The following MSRA variants were observed in gnomAD, a reference collection of about 807,000 sequenced individuals.
MSRA encodes methionine sulfoxide reductase A, also known as mitochondrial peptide methionine sulfoxide reductase.
Under a neutral mutation model 31.3 loss-of-function variants are expected in MSRA, and 54 were observed. The ratio of observed to expected loss-of-function variants is 1.73; its 90% CI spans 1.39 to 2.17. The LOEUF (loss-of-function observed/expected upper bound fraction) is 2.17, where lower values mean the gene tolerates loss of function less well. MSRA is among the 30% of genes most tolerant of loss of function. The pLI, the probability that MSRA is intolerant of heterozygous loss-of-function variation, is 0.00. For missense variants in MSRA, 507 were observed against 300.9 expected, an observed-to-expected ratio of 1.69 and a Z score of -5.07; for synonymous variants, 169 against 116.5, an observed-to-expected ratio of 1.45 and a Z score of -2.90.
intron 5 of MSRA, among the ~76,000 whole-genome samples, chr8:10,323,287 T>A (rs1032343801): frequency 6.6e-6 from 1 of 151,920 alleles, no homozygotes; most frequent in Admixed American, 6.6e-5. Flanking sequence ...GCAGTATTTA[T>A]AACTACTACT....
chr8:10,325,875 C>T (rs567403591), intron 5 of MSRA, among the ~76,000 whole-genome samples: 1 of 152,292 alleles, frequency 6.6e-6, no homozygotes, highest in South Asian at 2.1e-4. Flanking sequence ...GAACAAGCTC[C>T]TGAAACCACA....
chr8:10,119,317 A>G (rs980424564), intron 1 of MSRA, among the ~76,000 whole-genome samples: 3 of 152,214 alleles, frequency 2.0e-5, no homozygotes, highest in African/African-American at 7.2e-5. Context: ...TTTGTTGAAT[A>G]AGATGATGGC....
chr8:10,129,984 G>A (rs561612461), intron 1 of MSRA, among the ~76,000 whole-genome samples: 14 of 152,236 alleles, frequency 9.2e-5, no homozygotes, highest in Non-Finnish European at 1.6e-4. Flanking sequence ...GTTTGTATGT[G>A]CACCTATCCC....
intron 3 of MSRA, among the ~76,000 whole-genome samples, chr8:10,276,711 G>A (rs1799340498): frequency 6.6e-6 from 1 of 152,160 alleles, no homozygotes; most frequent in African/African-American, 2.4e-5. Flanking sequence ...TAATGTTTCA[G>A]GAGCAACTGA....
At position 10,242,098 on chromosome 8, in the gene MSRA, C is replaced by A. The variant is rs141884757; in HGVS notation, c.212-3006C>A. On this transcript the variant is annotated intron_variant, in intron 2 of 5. Coordinates refer to ENST00000317173, the MANE Select transcript of MSRA (RefSeq NM_012331.5). ...ACCAGCCTGGCCAACATGGCGAAAC[C>A]CCATCTCTACTAAAAACACAGAATT... is the stretch of plus-strand genomic sequence containing the variant. Among the ~76,000 whole-genome samples, 1,335 of 152,148 alleles carry A rather than the reference C, an allele frequency of 8.8e-3. 25 individuals are homozygous for A. Among genetic ancestry groups the A allele is most frequent in the African/African-American group, 0.031 (1,269 of 41,504 alleles).
intron 5 of MSRA, among the ~76,000 whole-genome samples, chr8:10,427,129 A>C (rs1301744163): frequency 6.6e-6 from 1 of 152,198 alleles, no homozygotes; most frequent in Non-Finnish European, 1.5e-5. Context: ...ACCAGTGGAC[A>C]GTCAGAGTGT....
chr8:10,404,453 G>T (rs373303786), intron 5 of MSRA, among the ~76,000 whole-genome samples: 4 of 152,176 alleles, frequency 2.6e-5, no homozygotes, highest in Non-Finnish European at 5.9e-5. Context: ...GATCCATCAC[G>T]CCCGCCCACG....
intron 5 of MSRA, among the ~76,000 whole-genome samples, chr8:10,417,419 G>GACACACACACACACACACAC (rs1184991397): frequency 1.9e-4 from 28 of 145,482 alleles, no homozygotes; most frequent in African/African-American, 3.1e-4. Flanking sequence ...TTCGTCAGAA[G>GACACACACACACACACACAC]ACACACACAC....
intron 1 of MSRA, among the ~76,000 whole-genome samples, chr8:10,086,272 AG>A (rs1426693616): frequency 6.6e-6 from 1 of 152,216 alleles, no homozygotes; most frequent in Non-Finnish European, 1.5e-5. Flanking sequence ...TTGGGTTTTC[AG>A]GTTGAGCAGT....
At chr8:10,286,754 C>G (rs1051680151) in intron 3 of MSRA, among the ~76,000 whole-genome samples, 3 of 152,224 alleles carry the variant, frequency 2.0e-5, no homozygotes, top group African/African-American at 7.2e-5. Flanking sequence ...TCATTGGCTT[C>G]AAGCCAAGAT....
At chr8:10,108,307 T>G (rs1392337479) in intron 1 of MSRA, among the ~76,000 whole-genome samples, 1 of 152,208 alleles carries the variant, frequency 6.6e-6, no homozygotes, top group African/African-American at 2.4e-5. Context: ...GGCTGTTGAT[T>G]CATTCACATT....
intron 1 of MSRA, among the ~76,000 whole-genome samples, chr8:10,111,434 C>G (rs1800271771): frequency 6.6e-6 from 1 of 152,142 alleles, no homozygotes; most frequent in South Asian, 2.1e-4. Flanking sequence ...ATGCTAGGTT[C>G]TTGAGGCAGA....
At chr8:10,265,069 C>G (rs1398100761) in intron 3 of MSRA, among the ~76,000 whole-genome samples, 4 of 152,164 alleles carry the variant, frequency 2.6e-5, no homozygotes, top group African/African-American at 9.7e-5. Context: ...ATTGAGAGCT[C>G]TTGTTCACAT....
chr8:10,342,987 G>C (rs1406951057), intron 5 of MSRA, among the ~76,000 whole-genome samples: 1 of 150,982 alleles, frequency 6.6e-6, no homozygotes, highest in Non-Finnish European at 1.5e-5. Flanking sequence ...ATGAGATAAC[G>C]TGTGGAAAGG....
At chr8:10,305,963 T>G (rs1415212877) in intron 4 of MSRA, among the ~76,000 whole-genome samples, 1 of 152,246 alleles carries the variant, frequency 6.6e-6, no homozygotes, top group Non-Finnish European at 1.5e-5. Context: ...CCTCTACTTT[T>G]GCTGAAACAT....
At chr8:10,118,012 C>G (rs1018494858) in intron 1 of MSRA, among the ~76,000 whole-genome samples, 1 of 152,140 alleles carries the variant, frequency 6.6e-6, no homozygotes, top group African/African-American at 2.4e-5. Context: ...TTTCATCAGT[C>G]AGGAAAGATA....
chr8:10,316,141 C>T (rs962519448), intron 4 of MSRA, among the ~76,000 whole-genome samples: 1 of 152,056 alleles, frequency 6.6e-6, no homozygotes, highest in Non-Finnish European at 1.5e-5. Context: ...GAACATTGTG[C>T]AGGTGATAGA....
intron 1 of MSRA, among the ~76,000 whole-genome samples, chr8:10,102,315 T>A (rs1028141488): frequency 6.6e-6 from 1 of 152,216 alleles, no homozygotes; most frequent in African/African-American, 2.4e-5. Flanking sequence ...TGATACTGAT[T>A]ATTTTTTAAG....
At chr8:10,410,204 G>A (rs555548381) in intron 5 of MSRA, among the ~76,000 whole-genome samples, 13 of 152,344 alleles carry the variant, frequency 8.5e-5, no homozygotes, top group African/African-American at 3.1e-4. Context: ...GAGTATGCAT[G>A]TGTGGCGGGG....
Sources: allele counts gnomAD v4.1 joint callset (sites outside exome capture counted in the v4.1 genomes callset), GRCh38; gene constraint gnomAD v4.1.1; transcripts MANE v1.5; gene names NCBI Gene and HGNC (gene_info 2026-07-23, HGNC 2026-07-21).